PDZD2: variants seen among roughly 807,000 people sequenced by gnomAD.
PDZD2 encodes the protein PDZ domain-containing protein 2.
In PDZD2, 90 loss-of-function variants were observed where a neutral mutation model predicts 220.7. The observed-to-expected ratio is 0.41, with a 90% CI of 0.34 to 0.49. The LOEUF is 0.49. Among genes scored for constraint, PDZD2 ranks in the 20% least tolerant of loss-of-function variants. PDZD2 has a pLI of 0.28. For synonymous variants in PDZD2, 1,375 were observed against 1,450.5 expected, an observed-to-expected ratio of 0.95 and a Z score of 1.18; for missense variants, 3,174 against 3,608.5, an observed-to-expected ratio of 0.88 and a Z score of 3.08.
At chr5:31,699,200 G>A (rs1747507560) in intron 1 of PDZD2, among the ~76,000 whole-genome samples, 1 of 152,168 alleles carries the variant, frequency 6.6e-6, no homozygotes, top group African/African-American at 2.4e-5. Context: ...ATTGTGGTAA[G>A]TGCAGTGGTG....
intron 14 of PDZD2, among the ~76,000 whole-genome samples, chr5:32,062,396 T>C (rs1235687592): frequency 6.7e-6 from 1 of 149,610 alleles, no homozygotes; most frequent in Non-Finnish European, 1.5e-5. Context: ...AGACTAAATT[T>C]TTTTTTTTTT....
Position 31,767,546 on chromosome 5 carries a change from T to A in PDZD2, c.-360-31343T>A, listed in dbSNP as rs534431257. ...AAGACCTTCATTTTTCTGTTGATGT[T>A]TCAAACCAGATGACTCATATCTTGT... is the stretch of plus-strand genomic sequence containing the variant. On this transcript the variant is annotated intron_variant, in intron 1 of 24. Transcript: ENST00000438447. Among the ~76,000 whole-genome samples, 11 of 152,362 alleles carry A rather than the reference T, an allele frequency of 7.2e-5. No homozygotes were observed. The South Asian group carries it at 2.3e-3, about 32-fold the overall frequency.
chr5:31,988,704 T>C (rs989887813), intron 3 of PDZD2, among the ~76,000 whole-genome samples: 8 of 152,324 alleles, frequency 5.3e-5, no homozygotes, highest in East Asian at 1.9e-4. Context: ...ATCCCTGATA[T>C]CCAGTTTCTT....
chr5:31,663,886 C>T (rs540037449), intron 1 of PDZD2, among the ~76,000 whole-genome samples: 1 of 151,630 alleles, frequency 6.6e-6, no homozygotes, highest in African/African-American at 2.4e-5. Flanking sequence ...TATGCGGGCA[C>T]AAGTGTGTGC....
intron 1 of PDZD2, among the ~76,000 whole-genome samples, chr5:31,790,145 G>A (rs1365089745): frequency 6.6e-6 from 1 of 151,946 alleles, no homozygotes; most frequent in African/African-American, 2.4e-5. Flanking sequence ...GTCTCGCTCT[G>A]TCACCAGGCT....
intron 7 of PDZD2, among the ~76,000 whole-genome samples, chr5:32,041,908 CAA>C (rs56157199): frequency 1.1e-3 from 98 of 90,934 alleles, no homozygotes; most frequent in Admixed American, 2.6e-3. Flanking sequence ...AAAAAGAAAG[CAA>C]AAAAAAAAAA....
rs113519811 is a variant in PDZD2 at position 31,969,889 on chromosome 5, G to GTTTA, written c.477-13246_477-13243dup. On this transcript the variant is annotated intron_variant, in intron 2 of 24. Coordinates refer to ENST00000438447, the MANE Select transcript of PDZD2 (RefSeq NM_178140.4). ...TGCATGAGGGTGCACAGACTAAATA[G>GTTTA]TTTATTTATTTATTTATTTATTTTT... 2.8e-3 allele frequency among the ~76,000 whole-genome samples: 430 copies of GTTTA among 151,818 alleles called. 1 individual carries two copies. The highest frequency in any genetic ancestry group is 8.4e-3 in the African/African-American group (346 of 41,380).
intron 1 of PDZD2, chr5:31,692,814 G>A (rs1444856241): frequency 6.6e-6 from 1 of 152,282 alleles, no homozygotes; most frequent in Non-Finnish European, 1.5e-5. Context: ...ATGATCCAGT[G>A]ATCGCATCCA....
intron 2 of PDZD2, among the ~76,000 whole-genome samples, chr5:31,916,034 C>T (rs1447160324): frequency 3.3e-5 from 5 of 152,148 alleles, no homozygotes; most frequent in Non-Finnish European, 5.9e-5. Flanking sequence ...ATTGTAGGTG[C>T]TCATAAAGTC....
At chr5:31,877,602 G>A (rs17508455) in intron 2 of PDZD2, among the ~76,000 whole-genome samples, 48,679 of 152,036 alleles carry the variant, frequency 0.32, 8,675 homozygotes, top group South Asian at 0.52. Context: ...GTAAGGTCAC[G>A]CCTGGTATCC....
chr5:31,676,806 G>A (rs529141183), intron 1 of PDZD2, among the ~76,000 whole-genome samples: 2 of 151,962 alleles, frequency 1.3e-5, no homozygotes, highest in African/African-American at 4.8e-5. Context: ...TGCCCGCCTC[G>A]GCCTCCCAAA....
At chr5:32,053,578 G>A (rs1157857483) in intron 9 of PDZD2, among the ~76,000 whole-genome samples, 191 bp from the exon 10 acceptor site, 1 of 152,190 alleles carries the variant, frequency 6.6e-6, no homozygotes, top group Admixed American at 6.5e-5. Flanking sequence ...TCGGAGGAGG[G>A]GAATAAGGAA....
At position 32,090,228 on chromosome 5, in the gene PDZD2, G is replaced by A; in HGVS notation, c.6780G>A (p.Glu2260=). The A allele has an allele frequency of 1.2e-6, 2 of 1,614,200 alleles. No individual in the cohort carries two copies. The highest frequency in any genetic ancestry group is 1.7e-6 in the Non-Finnish European group (2 of 1,180,044). Residue 2260 remains glutamate (E), a synonymous_variant, in exon 20 of 25, where the codon GAG becomes GAA. Coordinates refer to ENST00000438447, the MANE Select transcript of PDZD2 (RefSeq NM_178140.4). The surrounding 1 kb of genome is among the most constrained non-coding windows in gnomAD (Gnocchi z 4.3). ...QVPVTSSVVP[E]AKASRGGLPS... Reference sequence around the variant, plus strand: ...CTGTGACAAGCAGTGTTGTCCCCGAGGCAAAGGCATCCAGAGGTGGTCTTC... The same window carrying A: ...CTGTGACAAGCAGTGTTGTCCCCGAAGCAAAGGCATCCAGAGGTGGTCTTC...
chr5:31,897,908 T>C (rs1741718037), intron 2 of PDZD2, among the ~76,000 whole-genome samples: 1 of 152,094 alleles, frequency 6.6e-6, no homozygotes, highest in Admixed American at 6.5e-5. Flanking sequence ...GGCTAATTTT[T>C]TTGTATTTTT....
At chr5:31,865,735 C>T (rs1007755225) in intron 2 of PDZD2, among the ~76,000 whole-genome samples, 4 of 146,348 alleles carry the variant, frequency 2.7e-5, no homozygotes, top group African/African-American at 1.0e-4. Context: ...CCGGGTGCCC[C>T]ATTCTCCTGC....
chr5:31,943,135 G>A (rs1746351134), intron 2 of PDZD2, among the ~76,000 whole-genome samples: 2 of 151,934 alleles, frequency 1.3e-5, no homozygotes, highest in South Asian at 2.1e-4. Context: ...CATGGGAGGC[G>A]GTGGTTGCAG....
chr5:31,916,442 G>A (rs971070291), intron 2 of PDZD2, among the ~76,000 whole-genome samples: 9 of 152,248 alleles, frequency 5.9e-5, no homozygotes, highest in African/African-American at 1.9e-4. Flanking sequence ...TTGAGCAAGG[G>A]TTGAATGACA....
At chr5:31,679,462 G>A (rs1746568444) in intron 1 of PDZD2, among the ~76,000 whole-genome samples, 1 of 138,034 alleles carries the variant, frequency 7.2e-6, no homozygotes, top group South Asian at 2.6e-4. Context: ...GCTTCTTGTT[G>A]TACTGTGTTG....
chr5:31,805,981 T>C (rs1472299231), intron 2 of PDZD2, among the ~76,000 whole-genome samples: 1 of 152,150 alleles, frequency 6.6e-6, no homozygotes, highest in Non-Finnish European at 1.5e-5. Flanking sequence ...TAGGGGAGCT[T>C]GGCTCTGCTG....
Sources: gnomAD v4.1 joint callset for allele counts (sites outside exome capture counted in the v4.1 genomes callset) on GRCh38, gnomAD v4.1.1 for gene constraint, Gnocchi (gnomAD v3.1) non-coding constraint, MANE v1.5 for transcripts, NCBI Gene and HGNC (gene_info 2026-07-23, HGNC 2026-07-21) for gene names.